The following NRXN3 variants were observed in gnomAD, a reference collection of about 807,000 sequenced individuals.
NRXN3 encodes the protein neurexin III.
In NRXN3, 32 loss-of-function variants were observed where a neutral mutation model predicts 137.6. The ratio of observed to expected loss-of-function variants is 0.23; its 90% confidence interval spans 0.18 to 0.31. NRXN3 has a LOEUF of 0.31. Among genes scored for constraint, NRXN3 ranks in the 10% least tolerant of loss-of-function variants. NRXN3 has a pLI of 1.00. For synonymous variants in NRXN3, 798 were observed against 784.5 expected (o/e 1.02, Z -0.29); for missense variants, 1,574 against 2,062.5 (o/e 0.76, Z 4.59).
rs575162760 is a variant in NRXN3 at position 78,731,785 on chromosome 14, GT to G, written c.2044+16654del. Among the ~76,000 whole-genome samples the G allele has an allele frequency of 6.8e-5, 10 of 146,338 alleles. No individual in the cohort carries two copies. The East Asian group carries it at 1.6e-3, about 23-fold the overall frequency. On this transcript the variant is annotated intron_variant, in intron 8 of 20. Transcript: ENST00000335750. ...AATTATTCTAATTTTTCCAGTTCCT[GT>G]TTTTTTTCAAAAATTATCTCGTAGT...
Position 79,697,944 on chromosome 14 carries a change from C to A in NRXN3, c.4014+7C>A, listed in dbSNP as rs1456799963. ...CTCTACAGCCAGCATTCAGGTAGGCCTTTTTCCAAGTATTAATTGCGTCTG... is the reference window on the plus strand; with the variant it reads ...CTCTACAGCCAGCATTCAGGTAGGCATTTTTCCAAGTATTAATTGCGTCTG... On this transcript the variant is annotated splice_region_variant and intron_variant, in intron 19 of 20. Transcript: ENST00000335750. The A allele has an allele frequency of 6.2e-7, 1 of 1,605,112 alleles. No homozygotes were observed. Among genetic ancestry groups the A allele is most frequent in the Non-Finnish European group, 8.5e-7 (1 of 1,173,242 alleles).
At chr14:78,300,581 C>A in intron 4 of NRXN3, 1 of 816,984 alleles carries the variant, frequency 1.2e-6, no homozygotes, top group Non-Finnish European at 2.0e-6. Flanking sequence ...TTGCAGTGTG[C>A]TGATGTTTGA....
At chr14:78,643,299 GGAA>G (rs2097653680) in intron 4 of NRXN3, among the ~76,000 whole-genome samples, 1 of 152,088 alleles carries the variant, frequency 6.6e-6, no homozygotes, top group South Asian at 2.1e-4. Context: ...GTTCCGGCAG[GGAA>G]AATATAATTC....
At chr14:78,899,747 T>TA (rs569442164) in intron 10 of NRXN3, among the ~76,000 whole-genome samples, 353 of 152,026 alleles carry the variant, frequency 2.3e-3, no homozygotes, top group African/African-American at 7.4e-3. Context: ...TTTGTGAACT[T>TA]AAAAAAAATC....
intron 19 of NRXN3, among the ~76,000 whole-genome samples, chr14:79,777,581 T>G (rs150484949): frequency 6.6e-6 from 1 of 152,102 alleles, no homozygotes; most frequent in Non-Finnish European, 1.5e-5. Context: ...AAAATTACTT[T>G]TTAGACTGAT....
chr14:78,488,817 AGAGGAGAAGAAAT>A (rs1482993468), intron 4 of NRXN3, among the ~76,000 whole-genome samples: 3 of 145,044 alleles, frequency 2.1e-5, no homozygotes, highest in Non-Finnish European at 4.5e-5. Flanking sequence ...ATAAAGGAGG[AGAGGAGAAGAAAT>A]GAAGAGGGAA....
In NRXN3 at chr14:79,628,998, C is replaced by T. The variant is rs1475483272; in HGVS notation, c.3445-34780C>T. ...TATTCAGTGATTGTTCAAACTAGAT[C>T]CGTTTCTCTACCTTATTTTCAATGG... On this transcript the variant is annotated intron_variant, in intron 16 of 20. Coordinates refer to ENST00000335750, the MANE Select transcript of NRXN3 (RefSeq NM_001330195.2). Among the ~76,000 whole-genome samples the T allele has an allele frequency of 2.0e-5, 3 of 152,146 alleles. 1 individual carries two copies. Among genetic ancestry groups the T allele is most frequent in the South Asian group, 4.1e-4 (2 of 4,822 alleles).
chr14:78,892,893 G>A (rs1249822222), intron 10 of NRXN3, among the ~76,000 whole-genome samples: 2 of 151,598 alleles, frequency 1.3e-5, no homozygotes, highest in Non-Finnish European at 2.9e-5. Context: ...AAGAAAAAAT[G>A]TTGCTGCTTG....
chr14:78,902,603 T>G (rs2152747328), intron 10 of NRXN3, among the ~76,000 whole-genome samples: 1 of 152,008 alleles, frequency 6.6e-6, no homozygotes, highest in African/African-American at 2.4e-5. Flanking sequence ...TCTAAAACAT[T>G]TTTTCTTGAT....
At chr14:78,580,783 A>G (rs1016148805) in intron 4 of NRXN3, among the ~76,000 whole-genome samples, 1 of 152,226 alleles carries the variant, frequency 6.6e-6, no homozygotes, top group African/African-American at 2.4e-5. Flanking sequence ...TGTACAAAAG[A>G]AAAGTAGTAA....
chr14:79,181,638 G>A (rs1283638577), intron 15 of NRXN3, among the ~76,000 whole-genome samples: 5 of 145,348 alleles, frequency 3.4e-5, no homozygotes, highest in East Asian at 2.0e-4. Flanking sequence ...CCAAGATCGC[G>A]TCACTGCATT....
intron 15 of NRXN3, among the ~76,000 whole-genome samples, chr14:79,114,709 G>A (rs906466965): frequency 2.6e-5 from 4 of 151,970 alleles, no homozygotes; most frequent in Non-Finnish European, 4.4e-5. Context: ...TCAATATTTT[G>A]GAGAGATGAG....
Position 78,576,626 on chromosome 14 carries a change from G to A in NRXN3, c.758-68494G>A, listed in dbSNP as rs535229657. Among the ~76,000 whole-genome samples the A allele has an allele frequency of 2.0e-5, 3 of 152,228 alleles. No homozygotes were observed. In the South Asian group the frequency reaches 6.2e-4, roughly 32 times the overall value. On this transcript the variant is annotated intron_variant, in intron 4 of 20. Coordinates refer to ENST00000335750, the MANE Select transcript of NRXN3 (RefSeq NM_001330195.2). ...ATGTCATTGGCAGAGGCACGGGCAA[G>A]CTTATTCTCACACCTGCTTTTTAAG...
intron 6 of NRXN3, among the ~76,000 whole-genome samples, chr14:78,681,443 A>G (rs1268858906): frequency 6.6e-6 from 1 of 152,244 alleles, no homozygotes; most frequent in Non-Finnish European, 1.5e-5. Flanking sequence ...TTGAATCTTT[A>G]CAGCAAGACC....
rs139616950 is a variant in NRXN3, at chr14:78,546,345, G to A, written c.758-98775G>A. 3.4e-3 allele frequency among the ~76,000 whole-genome samples: 517 copies of A among 152,242 alleles called. 4 individuals carry two copies. Among genetic ancestry groups the A allele is most frequent in the African/African-American group, 0.012 (490 of 41,556 alleles). On this transcript the variant is annotated intron_variant, in intron 4 of 20. Transcript: ENST00000335750. ...TGAGCATTTTTGCATTTGTTTGTAG[G>A]CCATTTAGCTGAGCACTTCTGTAAA...
At chr14:78,304,804 C>T (rs1450195287) in intron 4 of NRXN3, among the ~76,000 whole-genome samples, 1 of 152,110 alleles carries the variant, frequency 6.6e-6, no homozygotes, top group Non-Finnish European at 1.5e-5. Flanking sequence ...GAGTGCAAGT[C>T]CCATCAAAGG....
intron 1 of NRXN3, among the ~76,000 whole-genome samples, chr14:78,172,885 A>G (rs751118031): frequency 2.0e-5 from 3 of 152,108 alleles, no homozygotes; most frequent in African/African-American, 7.2e-5. Context: ...GTAGTTCCCT[A>G]TTATTAATTA....
Position 78,243,792 on chromosome 14 carries a change from C to G in NRXN3, c.699C>G (p.Leu233=), listed in dbSNP as rs2067299647. ...DCSTTGYGGK[L]CSEDVSQDPG... ...CTACCACTGGCTATGGTGGCAAGCT[C>G]TGCTCAGAAGGTAAGACCCTCTCCC... The change falls in exon 2 of 21, where the codon CTC becomes CTG. Residue 233 remains leucine, a synonymous_variant. Transcript: ENST00000335750. The surrounding 1 kb of genome is among the most constrained non-coding windows in gnomAD (Gnocchi z 4.2). The G allele has an allele frequency of 1.1e-5, 18 of 1,581,354 alleles. No individual in the cohort carries two copies. Among genetic ancestry groups the G allele is most frequent in the Non-Finnish European group, 1.5e-5 (17 of 1,171,096 alleles).
At chr14:78,228,364 C>T (rs189740621) in intron 1 of NRXN3, among the ~76,000 whole-genome samples, 2 of 152,220 alleles carry the variant, frequency 1.3e-5, no homozygotes, top group African/African-American at 2.4e-5. Context: ...ACCATGTTAG[C>T]AGGGGGATCT....
Sources: gnomAD v4.1 joint callset for allele counts (sites outside exome capture counted in the v4.1 genomes callset) on GRCh38, gnomAD v4.1.1 for gene constraint, Gnocchi (gnomAD v3.1) non-coding constraint, MANE v1.5 for transcripts, NCBI Gene and HGNC (gene_info 2026-07-23, HGNC 2026-07-21) for gene names.